LDAH: variants seen among roughly 807,000 people sequenced by gnomAD.
The protein encoded by LDAH is lipid droplet associated hydrolase.
Under a neutral mutation model 29.6 loss-of-function variants are expected in LDAH, and 26 were observed. That is an observed-to-expected ratio of 0.88 (90% CI 0.64 to 1.22). LDAH has a LOEUF of 1.22. Among genes scored for constraint, LDAH ranks in the 50% most tolerant of loss-of-function variants. LDAH has a pLI of 0.00. For synonymous variants in LDAH, 117 were observed against 133.0 expected, an observed-to-expected ratio of 0.88 and a Z score of 0.83; for missense variants, 344 against 387.3, an observed-to-expected ratio of 0.89 and a Z score of 0.94.
intron 5 of LDAH, among the ~76,000 whole-genome samples, chr2:20,722,414 G>A (rs1027083842): frequency 1.3e-5 from 2 of 149,632 alleles, no homozygotes; most frequent in Non-Finnish European, 3.0e-5. Context: ...AATCTCACAG[G>A]GGTAGACAGT....
chr2:20,798,709 G>A (rs1363391191), intron 2 of LDAH, among the ~76,000 whole-genome samples: 1 of 151,822 alleles, frequency 6.6e-6, no homozygotes, highest in Non-Finnish European at 1.5e-5. Flanking sequence ...GATTGTGCAT[G>A]GAGAAGGGAA....
At chr2:20,810,858 T>C (rs1031523413) in intron 1 of LDAH, among the ~76,000 whole-genome samples, 1 of 152,130 alleles carries the variant, frequency 6.6e-6, no homozygotes, top group Non-Finnish European at 1.5e-5. Flanking sequence ...GAACTGTGCA[T>C]GCGAAGGATC....
intron 5 of LDAH, among the ~76,000 whole-genome samples, chr2:20,734,961 C>A (rs1365526307): frequency 6.6e-6 from 1 of 152,176 alleles, no homozygotes; most frequent in Non-Finnish European, 1.5e-5. Context: ...TCCTTTGGGT[C>A]TCCATGGATT....
chr2:20,812,242 C>A (rs368328851), intron 1 of LDAH, among the ~76,000 whole-genome samples: 119 of 152,316 alleles, frequency 7.8e-4, no homozygotes, highest in African/African-American at 2.7e-3. Flanking sequence ...TAAAGAAATT[C>A]TCTATTTTGG....
At chr2:20,769,069 C>A (rs1166308883) in intron 4 of LDAH, among the ~76,000 whole-genome samples, 2 of 152,152 alleles carry the variant, frequency 1.3e-5, no homozygotes, top group Non-Finnish European at 2.9e-5. Flanking sequence ...TCCACGCACA[C>A]TCTGCCGCAA....
At chr2:20,760,626 T>C (rs1223100263) in intron 4 of LDAH, among the ~76,000 whole-genome samples, 3 of 152,214 alleles carry the variant, frequency 2.0e-5, no homozygotes, top group Non-Finnish European at 4.4e-5. Context: ...TTGTTGGATG[T>C]TGACGGAAGG....
intron 1 of LDAH, among the ~76,000 whole-genome samples, chr2:20,814,186 G>C (rs1672688523): frequency 7.1e-6 from 1 of 141,462 alleles, no homozygotes; most frequent in South Asian, 2.5e-4. Flanking sequence ...TACTGAGAAA[G>C]AGCTTTTTAA....
chr2:20,730,726 TCTC>T (rs1035002650), intron 5 of LDAH, among the ~76,000 whole-genome samples: 2 of 144,410 alleles, frequency 1.4e-5, no homozygotes, highest in African/African-American at 5.8e-5. Flanking sequence ...CTTCTCTCCT[TCTC>T]CTTCTCCTTC....
At chr2:20,701,249 ACATTATTTATTC>A (rs1663914195) in intron 6 of LDAH, among the ~76,000 whole-genome samples, 1 of 152,224 alleles carries the variant, frequency 6.6e-6, no homozygotes, top group Non-Finnish European at 1.5e-5. Flanking sequence ...TTATATTCCA[ACATTATTTATTC>A]TATAAATATT....
At chr2:20,702,057 CTT>C (rs111316440) in intron 5 of LDAH, among the ~76,000 whole-genome samples, 1 of 142,166 alleles carries the variant, frequency 7.0e-6, no homozygotes. Context: ...AATATACTGG[CTT>C]TTTTTTTTTT....
intron 6 of LDAH, among the ~76,000 whole-genome samples, chr2:20,701,300 G>C (rs2149353189): frequency 6.6e-6 from 1 of 152,246 alleles, no homozygotes. Context: ...AAGGCCTAGA[G>C]AGGCTAAAAT....
At chr2:20,820,488 A>T (rs1673186394) in intron 1 of LDAH, among the ~76,000 whole-genome samples, 1 of 152,216 alleles carries the variant, frequency 6.6e-6, no homozygotes, top group South Asian at 2.1e-4. Context: ...GATCTTTGAC[A>T]AACCTGACAA....
At chr2:20,811,975 T>C (rs999315426) in intron 1 of LDAH, among the ~76,000 whole-genome samples, 5 of 152,036 alleles carry the variant, frequency 3.3e-5, no homozygotes, top group South Asian at 2.1e-4. Flanking sequence ...GGTAATGATA[T>C]GGAGAACCAG....
intron 4 of LDAH, among the ~76,000 whole-genome samples, chr2:20,750,481 T>G (rs1009061146): frequency 1.8e-4 from 27 of 152,224 alleles, no homozygotes; most frequent in African/African-American, 6.3e-4. Context: ...ATATGCTCTA[T>G]GATGAAACTG....
chr2:20,795,186 T>C (rs1408725628), intron 2 of LDAH, among the ~76,000 whole-genome samples: 1 of 152,198 alleles, frequency 6.6e-6, no homozygotes, highest in Non-Finnish European at 1.5e-5. Context: ...CAAATACCCA[T>C]GCAATGTATA....
At chr2:20,805,864 A>G (rs1172846622) in intron 1 of LDAH, among the ~76,000 whole-genome samples, 7 of 151,286 alleles carry the variant, frequency 4.6e-5, no homozygotes, top group Non-Finnish European at 1.0e-4. Context: ...ATGTTTAAAT[A>G]TATACTTAGT....
At chr2:20,801,257 A>G (rs753430559) in intron 2 of LDAH, 53 bp downstream of exon 2, 42 of 1,544,734 alleles carry the variant, frequency 2.7e-5, no homozygotes, top group Non-Finnish European at 3.6e-5. Context: ...TTAAAATCAG[A>G]CATAGTTATG....
At chr2:20,719,504 A>G (rs958695940) in intron 5 of LDAH, among the ~76,000 whole-genome samples, 6 of 152,102 alleles carry the variant, frequency 3.9e-5, no homozygotes, top group East Asian at 3.8e-4. Context: ...CCATGAAAGG[A>G]AAGTCCAGGA....
intron 5 of LDAH, among the ~76,000 whole-genome samples, chr2:20,737,718 T>C (rs1666887620): frequency 6.6e-6 from 1 of 152,090 alleles, no homozygotes; most frequent in Non-Finnish European, 1.5e-5. Flanking sequence ...AGGCATCTGT[T>C]CCATAATATT....
Sources: gnomAD v4.1 joint callset for allele counts (sites outside exome capture counted in the v4.1 genomes callset) on GRCh38, gnomAD v4.1.1 for gene constraint, MANE v1.5 for transcripts, NCBI Gene and HGNC (gene_info 2026-07-23, HGNC 2026-07-21) for gene names.